PHF24: variants seen among roughly 807,000 people sequenced by gnomAD.
PHF24 encodes PHD finger protein 24.
PHF24 carries 25 observed loss-of-function variants against 42.6 expected under a neutral mutation model. The observed-to-expected ratio is 0.59, with a 90% CI of 0.43 to 0.82. The LOEUF is 0.82. Ranked by LOEUF, PHF24 falls within the 40% of genes least tolerant of loss-of-function variation. The pLI is 0.00. For synonymous variants in PHF24, 185 were observed against 204.8 expected, an observed-to-expected ratio of 0.90 and a Z score of 0.83; for missense variants, 470 against 538.1, an observed-to-expected ratio of 0.87 and a Z score of 1.25.
intron 1 of PHF24, among the ~76,000 whole-genome samples, chr9:34,962,655 C>T (rs1327869990): frequency 1.3e-5 from 2 of 152,196 alleles, no homozygotes; most frequent in African/African-American, 4.8e-5. Context: ...ATCTGTGTTT[C>T]AGGGAACCAG....
At chr9:34,812,364 G>T in the PHF24 span, among the ~76,000 whole-genome samples, 2 of 152,338 alleles carry the variant, frequency 1.3e-5, no homozygotes, top group South Asian at 2.1e-4. Flanking sequence ...TGGTGCAGCT[G>T]CTGTGGAAAA....
chr9:34,965,864 C>A (rs1221315139), intron 1 of PHF24, among the ~76,000 whole-genome samples: 1 of 152,158 alleles, frequency 6.6e-6, no homozygotes, highest in Non-Finnish European at 1.5e-5. Context: ...TCTAATGAAT[C>A]GTTCTTGAAA....
the PHF24 span, among the ~76,000 whole-genome samples, chr9:34,813,831 C>T: frequency 6.6e-6 from 1 of 152,194 alleles, no homozygotes; most frequent in Admixed American, 6.5e-5. Flanking sequence ...GATGGGATTA[C>T]ACAAAGCATG....
chr9:34,879,375 G>A, the PHF24 span, among the ~76,000 whole-genome samples: 1 of 152,202 alleles, frequency 6.6e-6, no homozygotes, highest in Non-Finnish European at 1.5e-5. Context: ...GATGAGTTGA[G>A]AGAAGAAGGC....
At chr9:34,918,129 C>G in the PHF24 span, 2 of 1,547,584 alleles carry the variant, frequency 1.3e-6, no homozygotes, top group Admixed American at 1.7e-5. Context: ...TGTAGCCAAT[C>G]GTAGCGCCAG....
chr9:34,849,958 T>TG, the PHF24 span, among the ~76,000 whole-genome samples: 1 of 152,254 alleles, frequency 6.6e-6, no homozygotes, highest in Non-Finnish European at 1.5e-5. Context: ...GTAGAGTTTC[T>TG]GCTGAGAGAT....
chr9:34,682,523 G>A, the PHF24 span, among the ~76,000 whole-genome samples: 29 of 152,200 alleles, frequency 1.9e-4, no homozygotes, highest in African/African-American at 3.6e-4. Flanking sequence ...TCTAGGGTTT[G>A]GGAAGAAGGA....
the PHF24 span, among the ~76,000 whole-genome samples, chr9:34,796,029 T>C: frequency 1.9e-4 from 28 of 150,010 alleles, no homozygotes; most frequent in Non-Finnish European, 3.7e-4. Flanking sequence ...AAAGAAAGAA[T>C]GGAACAAAAG....
the PHF24 span, chr9:34,835,528 G>A: frequency 6.4e-7 from 1 of 1,551,826 alleles, no homozygotes; most frequent in Non-Finnish European, 8.7e-7. Flanking sequence ...ACAGCAAGGA[G>A]ACCTGGAAAT....
At chr9:34,694,209 A>C in the PHF24 span, among the ~76,000 whole-genome samples, 1 of 118,440 alleles carries the variant, frequency 8.4e-6, no homozygotes, top group African/African-American at 3.3e-5. Context: ...TCAATATGTC[A>C]CCCAGGCTCT....
At chr9:34,911,018 C>A in the PHF24 span, among the ~76,000 whole-genome samples, 2 of 152,010 alleles carry the variant, frequency 1.3e-5, no homozygotes, top group Non-Finnish European at 2.9e-5. Flanking sequence ...AAGACGAGAT[C>A]TCATTATGTT....
chr9:34,794,630 A>G, the PHF24 span, among the ~76,000 whole-genome samples: 1 of 152,224 alleles, frequency 6.6e-6, no homozygotes, highest in African/African-American at 2.4e-5. Flanking sequence ...GAGGATATAC[A>G]GAAGAACCAA....
At chr9:34,838,233 G>A in the PHF24 span, 7 of 626,574 alleles carry the variant, frequency 1.1e-5, no homozygotes, top group Non-Finnish European at 2.0e-5. Context: ...GTAACTAAAG[G>A]TATGGCATAA....
the PHF24 span, among the ~76,000 whole-genome samples, chr9:34,778,580 T>C: frequency 6.6e-6 from 1 of 152,098 alleles, no homozygotes; most frequent in Non-Finnish European, 1.5e-5. Flanking sequence ...GTAACACATA[T>C]AAATGTATGC....
chr9:34,740,794 A>G, the PHF24 span, among the ~76,000 whole-genome samples: 34 of 152,338 alleles, frequency 2.2e-4, no homozygotes, highest in African/African-American at 7.7e-4. Flanking sequence ...CTTACAATGG[A>G]ATATTATGCT....
the PHF24 span, among the ~76,000 whole-genome samples, chr9:34,781,456 G>A: frequency 1.3e-5 from 2 of 152,274 alleles, no homozygotes; most frequent in South Asian, 2.1e-4. Flanking sequence ...CAAGGAGAGC[G>A]GGGAATTATT....
chr9:34,878,245 T>C, the PHF24 span, among the ~76,000 whole-genome samples: 22 of 152,146 alleles, frequency 1.4e-4, no homozygotes, highest in Non-Finnish European at 1.9e-4. Flanking sequence ...TTTTTTAAGG[T>C]TCTGGTTCCA....
At chr9:34,824,222 C>T in the PHF24 span, among the ~76,000 whole-genome samples, 2 of 152,162 alleles carry the variant, frequency 1.3e-5, no homozygotes, top group South Asian at 4.1e-4. Context: ...CCTGTATATC[C>T]GACAAGGGTC....
the PHF24 span, among the ~76,000 whole-genome samples, chr9:34,804,956 T>A: frequency 6.6e-6 from 1 of 152,236 alleles, no homozygotes; most frequent in Admixed American, 6.5e-5. Context: ...ATTAATGGAA[T>A]CATATAGTAT....
Sources: allele counts gnomAD v4.1 joint callset (sites outside exome capture counted in the v4.1 genomes callset), GRCh38; gene constraint gnomAD v4.1.1; transcripts MANE v1.5; gene names NCBI Gene and HGNC (gene_info 2026-07-23, HGNC 2026-07-21).